PRKAG2: variants seen among roughly 807,000 people sequenced by gnomAD.
PRKAG2 encodes 5'-AMP-activated protein kinase subunit gamma-2.
Under a neutral mutation model 69.6 loss-of-function variants are expected in PRKAG2, and 26 were observed. The observed-to-expected ratio is 0.37, with a 90% CI of 0.27 to 0.52. PRKAG2 has a LOEUF of 0.52. Ranked by LOEUF, PRKAG2 falls within the 20% of genes least tolerant of loss-of-function variation. The probability of loss-of-function intolerance (pLI) is 0.90; values close to 1 mark genes in which losing one functional copy is unlikely to be tolerated. For synonymous variants in PRKAG2, 293 were observed against 285.0 expected (o/e 1.03, Z -0.28); for missense variants, 557 against 740.0 (o/e 0.75, Z 2.87).
At chr7:151,782,945 G>A (rs1172677448) in intron 2 of PRKAG2, among the ~76,000 whole-genome samples, 1 of 152,246 alleles carries the variant, frequency 6.6e-6, no homozygotes, top group Non-Finnish European at 1.5e-5. Context: ...CCAGGACCAG[G>A]GCAGACGCGG....
intron 6 of PRKAG2, among the ~76,000 whole-genome samples, chr7:151,582,961 A>G (rs532969581): frequency 6.6e-6 from 1 of 152,360 alleles, no homozygotes; most frequent in Non-Finnish European, 1.5e-5. Context: ...AACAGCCAAG[A>G]AGAACAAATG....
intron 6 of PRKAG2, among the ~76,000 whole-genome samples, chr7:151,586,787 A>G (rs999800172): frequency 1.1e-4 from 17 of 152,210 alleles, no homozygotes; most frequent in African/African-American, 3.4e-4. Flanking sequence ...TTTTAAAATA[A>G]TCAAGCGCCC....
At chr7:151,568,403 C>T (rs1806755150) in intron 11 of PRKAG2, among the ~76,000 whole-genome samples, 1 of 152,140 alleles carries the variant, frequency 6.6e-6, no homozygotes, top group Non-Finnish European at 1.5e-5. Context: ...TACAACAGTC[C>T]TCAATTAGAC....
intron 3 of PRKAG2, among the ~76,000 whole-genome samples, chr7:151,728,272 T>C (rs937667775): frequency 2.6e-5 from 4 of 152,160 alleles, no homozygotes; most frequent in Admixed American, 6.5e-5. Context: ...TGCCTATTTT[T>C]TTCTTCTCAA....
chr7:151,610,595 T>C (rs911561457), intron 5 of PRKAG2, among the ~76,000 whole-genome samples: 2 of 150,622 alleles, frequency 1.3e-5, no homozygotes, highest in African/African-American at 4.9e-5. Context: ...GAGAATTGCT[T>C]GAACCCAGGA....
At chr7:151,846,412 G>A (rs1194383048) in intron 1 of PRKAG2, among the ~76,000 whole-genome samples, 5 of 152,074 alleles carry the variant, frequency 3.3e-5, no homozygotes, top group Non-Finnish European at 5.9e-5. Context: ...AGGTTGCGGT[G>A]AGCCAAGATC....
chr7:151,876,076 C>G (rs929916347), intron 1 of PRKAG2, among the ~76,000 whole-genome samples: 17 of 148,054 alleles, frequency 1.1e-4, no homozygotes, highest in Admixed American at 1.1e-3. Flanking sequence ...CCCCTCCCCT[C>G]TCCTCCCTCC....
At chr7:151,829,567 T>A (rs2078977811) in intron 1 of PRKAG2, among the ~76,000 whole-genome samples, 1 of 151,988 alleles carries the variant, frequency 6.6e-6, no homozygotes, top group South Asian at 2.1e-4. Flanking sequence ...CAGAAATTTG[T>A]ACACAAATGT....
intron 3 of PRKAG2, among the ~76,000 whole-genome samples, chr7:151,676,477 G>A (rs1480918165): frequency 6.6e-6 from 1 of 152,144 alleles, no homozygotes; most frequent in Non-Finnish European, 1.5e-5. Context: ...GAGGGGCAAC[G>A]GTGTTAGTGG....
intron 1 of PRKAG2, among the ~76,000 whole-genome samples, chr7:151,855,142 CCCTACACACACACCAT>C (rs2079698031): frequency 8.8e-5 from 4 of 45,248 alleles, no homozygotes; most frequent in Non-Finnish European, 1.2e-4. Flanking sequence ...ACACACACCA[CCCTACACACACACCAT>C]CCTCCACACA....
At chr7:151,601,905 T>C (rs1287144994) in intron 5 of PRKAG2, among the ~76,000 whole-genome samples, 1 of 152,032 alleles carries the variant, frequency 6.6e-6, no homozygotes, top group East Asian at 1.9e-4. Flanking sequence ...AAGGACAAGC[T>C]CGGGGTTCGT....
At position 151,658,649 on chromosome 7, in the gene PRKAG2, G is replaced by A. The variant is rs1018209178; in HGVS notation, c.684+16771C>T. Among the ~76,000 whole-genome samples, 8 of 152,010 alleles carry A rather than the reference G, an allele frequency of 5.3e-5. No individual in the cohort carries two copies. The East Asian group carries it at 1.3e-3, about 26-fold the overall frequency. ...CTGATCTAATTCAGTATTGGGGTGCGAACACACGCCGAAACAGTACAAAAA... is the reference window on the plus strand; with the variant it reads ...CTGATCTAATTCAGTATTGGGGTGCAAACACACGCCGAAACAGTACAAAAA... On this transcript the variant is annotated intron_variant, in intron 4 of 15. Transcript: ENST00000287878.
chr7:151,602,380 A>C lies in PRKAG2; in HGVS notation c.755-6926T>G, dbSNP rs564641478. Among the ~76,000 whole-genome samples, 81 of 152,234 alleles carry C rather than the reference A, an allele frequency of 5.3e-4. 1 individual carries two copies. The highest frequency in any genetic ancestry group is 1.0e-3 in the Non-Finnish European group (70 of 68,034). ...AATCAAGAATTTTCATAAAAGAGGT[A>C]CACATATTATAGACATATTATACAT... On this transcript the variant is annotated intron_variant, in intron 5 of 15. Coordinates refer to ENST00000287878, the MANE Select transcript of PRKAG2 (RefSeq NM_016203.4).
At chr7:151,816,693 C>T (rs2078649879) in intron 1 of PRKAG2, among the ~76,000 whole-genome samples, 1 of 152,258 alleles carries the variant, frequency 6.6e-6, no homozygotes, top group African/African-American at 2.4e-5. Context: ...CAGCCTGCAG[C>T]CAGCCCCCCG....
chr7:151,562,764 G>A (rs1805342304), intron 14 of PRKAG2, among the ~76,000 whole-genome samples: 1 of 151,946 alleles, frequency 6.6e-6, no homozygotes, highest in Non-Finnish European at 1.5e-5. Flanking sequence ...TCAGGAGATC[G>A]AGACCATCCT....
chr7:151,817,746 T>C (rs1166781972), intron 1 of PRKAG2, among the ~76,000 whole-genome samples: 1 of 152,170 alleles, frequency 6.6e-6, no homozygotes, highest in Non-Finnish European at 1.5e-5. Context: ...ATACTGTCCA[T>C]TTTATCGATA....
intron 4 of PRKAG2, among the ~76,000 whole-genome samples, chr7:151,655,951 C>T (rs1431582327): frequency 6.6e-6 from 1 of 152,196 alleles, no homozygotes; most frequent in East Asian, 1.9e-4. Flanking sequence ...AGTTATTTCT[C>T]TGTGACATGG....
intron 4 of PRKAG2, among the ~76,000 whole-genome samples, chr7:151,665,486 G>A (rs959777028): frequency 6.6e-6 from 1 of 152,108 alleles, no homozygotes; most frequent in Non-Finnish European, 1.5e-5. Flanking sequence ...AACATAGGAA[G>A]AATGCCAATT....
In PRKAG2 at chr7:151,638,450, T is replaced by C. The variant is rs1000296464; in HGVS notation, c.685-6312A>G. Among the ~76,000 whole-genome samples, 3 of 152,064 alleles carry C rather than the reference T, an allele frequency of 2.0e-5. No homozygotes were observed. Among genetic ancestry groups the C allele is most frequent in the Admixed American group, 6.6e-5 (1 of 15,266 alleles). ...GAGATCGAGACCATCCTGGCCAACA[T>C]GGTGAAAACCCCGTCTCTACTAAAA... On this transcript the variant is annotated intron_variant, in intron 4 of 15. Coordinates refer to ENST00000287878, the MANE Select transcript of PRKAG2 (RefSeq NM_016203.4). The surrounding 1 kb of genome is among the most constrained non-coding windows in gnomAD (Gnocchi z 4.3).
Sources: gnomAD v4.1 joint callset for allele counts (sites outside exome capture counted in the v4.1 genomes callset) on GRCh38, gnomAD v4.1.1 for gene constraint, Gnocchi (gnomAD v3.1) non-coding constraint, MANE v1.5 for transcripts, NCBI Gene and HGNC (gene_info 2026-07-23, HGNC 2026-07-21) for gene names.